DNAH12: variants seen among roughly 807,000 people sequenced by gnomAD.
DNAH12 encodes dynein axonemal heavy chain 12, also known as axonemal beta dynein heavy chain 12.
DNAH12 carries 285 observed loss-of-function variants against 371.5 expected under a neutral mutation model. The ratio of observed to expected loss-of-function variants is 0.77; its 90% CI spans 0.70 to 0.85. The LOEUF (loss-of-function observed/expected upper bound fraction) is 0.85, where lower values mean the gene tolerates loss of function less well. Among genes scored for constraint, DNAH12 ranks in the 40% least tolerant of loss-of-function variants. The pLI is 0.00. For synonymous variants in DNAH12, 1,200 were observed against 1,213.0 expected (o/e 0.99, Z 0.22); for missense variants, 3,611 against 3,689.4 (o/e 0.98, Z 0.55).
rs1575470457 is a variant in DNAH12 at position 57,336,854 on chromosome 3, G to C, written c.9675-1914C>G. ...ACTCACTACCTCCCAACTGGTAAGA[G>C]ACAGATAAATACAGAGAATCCTAAA... On this transcript the variant is annotated intron_variant, in intron 60 of 73. Transcript: ENST00000495027. Among the ~76,000 whole-genome samples, 5 of 152,280 alleles carry C rather than the reference G, an allele frequency of 3.3e-5. No homozygotes were observed. In the South Asian group the frequency reaches 1.0e-3, roughly 32 times the overall value.
At chr3:57,420,939 T>G (rs376136179) in intron 36 of DNAH12, among the ~76,000 whole-genome samples, 43 of 133,004 alleles carry the variant, frequency 3.2e-4, no homozygotes, top group African/African-American at 8.1e-4. Flanking sequence ...AAGAAAGAAA[T>G]AAAGAATATG....
chr3:57,393,077 G>C (rs1043392736), intron 44 of DNAH12, among the ~76,000 whole-genome samples: 2 of 152,152 alleles, frequency 1.3e-5, no homozygotes, highest in Non-Finnish European at 2.9e-5. Context: ...TGAGAGCTGT[G>C]TAAGTGCCTG....
chr3:57,309,950 G>C, intron 67 of DNAH12, 96 bp from the exon 68 acceptor site: 4 of 1,063,228 alleles, frequency 3.8e-6, no homozygotes, highest in Non-Finnish European at 5.1e-6. Flanking sequence ...CTTTGGCATA[G>C]GGGTTATGTG....
intron 35 of DNAH12, among the ~76,000 whole-genome samples, chr3:57,422,576 A>G (rs566668648): frequency 2.0e-3 from 302 of 152,306 alleles, no homozygotes; most frequent in Non-Finnish European, 3.4e-3. Flanking sequence ...GCCAAGGAAG[A>G]AGGATTGCTT....
chr3:57,522,741 C>T (rs1032836258), intron 4 of DNAH12, among the ~76,000 whole-genome samples: 4 of 152,084 alleles, frequency 2.6e-5, no homozygotes, highest in African/African-American at 4.8e-5. Flanking sequence ...CAGTTCCATA[C>T]GTTTCTGTTA....
intron 58 of DNAH12, among the ~76,000 whole-genome samples, chr3:57,360,617 G>C (rs2062904267): frequency 6.6e-6 from 1 of 152,070 alleles, no homozygotes; most frequent in African/African-American, 2.4e-5. Context: ...GAACTCGGAG[G>C]CGAAGGTTGC....
chr3:57,389,820 G>GTGTGTGTGTGTGTGTGTGTGTATATA (rs2063573600), intron 45 of DNAH12, among the ~76,000 whole-genome samples: 1 of 72,718 alleles, frequency 1.4e-5, no homozygotes, highest in East Asian at 6.5e-4. Context: ...GTGTGTGTGT[G>GTGTGTGTGTGTGTGTGTGTGTATATA]TGTATATATA....
intron 2 of DNAH12, among the ~76,000 whole-genome samples, chr3:57,530,073 T>C (rs2068788010): frequency 6.6e-6 from 1 of 152,132 alleles, no homozygotes; most frequent in Non-Finnish European, 1.5e-5. Flanking sequence ...GATTTCTAGT[T>C]TTATTCCATT....
At chr3:57,394,931 T>C (rs2063705484) in intron 43 of DNAH12, among the ~76,000 whole-genome samples, 10 of 152,322 alleles carry the variant, frequency 6.6e-5, no homozygotes. Flanking sequence ...TGAAGCTGAC[T>C]TGTATAGGCT....
chr3:57,500,161 C>CG (rs1553711825), intron 11 of DNAH12, among the ~76,000 whole-genome samples: 1 of 151,420 alleles, frequency 6.6e-6, no homozygotes, highest in Non-Finnish European at 1.5e-5. Context: ...CTCCTCAGCC[C>CG]CCCCTAGTAG....
intron 60 of DNAH12, among the ~76,000 whole-genome samples, chr3:57,345,296 G>A (rs1224666592): frequency 6.6e-6 from 1 of 151,972 alleles, no homozygotes; most frequent in Non-Finnish European, 1.5e-5. Flanking sequence ...TGTCTCTTGG[G>A]AGAACTTCCA....
In DNAH12 at chr3:57,507,683, T is replaced by A. The variant is rs144173391; in HGVS notation, c.857A>T (p.Asp286Val). The A allele has an allele frequency of 1.2e-3, 1,901 of 1,609,780 alleles. 1 individual carries two copies. Among genetic ancestry groups the A allele is most frequent in the Non-Finnish European group, 1.6e-3 (1,843 of 1,179,402 alleles). ...TGTGGAAACACAGCTATAAAATGCA[T>A]CCAATTTTTCAGGTTTAACACCTTC... ...ALEGVKPEKL[D>V]AFYSCVSTLM... Residue 286 changes from aspartate to valine, a missense_variant, in exon 8 of 74, where the codon GAT (aspartate) becomes GTT (valine). This residue lies in a region of DNAH12 where 1,314 missense variants were observed against 1,398.7 expected (regional missense o/e 0.94). Transcript: ENST00000495027.
At chr3:57,407,052 C>G (rs561823765) in intron 40 of DNAH12, among the ~76,000 whole-genome samples, 2 of 152,130 alleles carry the variant, frequency 1.3e-5, no homozygotes, top group South Asian at 2.1e-4. Flanking sequence ...GTGCACACCA[C>G]CACGCCCAGC....
At chr3:57,341,375 T>G (rs2062392949) in intron 60 of DNAH12, among the ~76,000 whole-genome samples, 1 of 152,122 alleles carries the variant, frequency 6.6e-6, no homozygotes, top group South Asian at 2.1e-4. Context: ...CAAAAAACTC[T>G]TAAAACTAAT....
At chr3:57,485,994 T>C (rs1490727646) in intron 12 of DNAH12, among the ~76,000 whole-genome samples, 1 of 151,508 alleles carries the variant, frequency 6.6e-6, no homozygotes, top group East Asian at 2.0e-4. Flanking sequence ...TCCAGGAGGG[T>C]AGATCACTTG....
At chr3:57,463,450 G>A (rs1256794818) in intron 17 of DNAH12, among the ~76,000 whole-genome samples, 1 of 151,820 alleles carries the variant, frequency 6.6e-6, no homozygotes, top group Non-Finnish European at 1.5e-5. Context: ...CGCCTGCCTT[G>A]GCCTCCCAAA....
chr3:57,392,408 A>T (rs1324388287), intron 44 of DNAH12, among the ~76,000 whole-genome samples: 1 of 152,176 alleles, frequency 6.6e-6, no homozygotes, highest in Admixed American at 6.5e-5. Context: ...TATAAATGTA[A>T]AATATCCACA....
In DNAH12 at chr3:57,377,016, T is replaced by C. The variant is rs2153339670; in HGVS notation, c.8430A>G (p.Ser2810=). The C allele has an allele frequency of 6.6e-6, 1 of 152,302 alleles. No homozygotes were observed. The highest frequency in any genetic ancestry group is 1.9e-4 in the East Asian group (1 of 5,188). 9.4% of individuals were successfully genotyped at this position (152,302 alleles called of 1,614,324 possible). A position where few individuals can be genotyped will look rare whatever the true frequency, so the allele number is the denominator to read the frequency against. Residue 2810 remains serine (S), a synonymous_variant, in exon 53 of 74, where the codon TCA becomes TCG. Transcript: ENST00000495027. The part of the protein sequence containing the change: ...ELCAKKLERA[S]QLIGGLGGEK... ...CTCCACCCAGTCCTCCAATTAATTG[T>C]GAGGCTCTTTCAAGCTTCTTAGCAC...
At chr3:57,509,926 C>G (rs1269288815) in intron 5 of DNAH12, among the ~76,000 whole-genome samples, 1 of 106,750 alleles carries the variant, frequency 9.4e-6, no homozygotes, top group East Asian at 3.2e-4. Context: ...TAGTTAGTAA[C>G]AATTTATTGT....
Sources: allele counts gnomAD v4.1 joint callset (sites outside exome capture counted in the v4.1 genomes callset), GRCh38; gene constraint gnomAD v4.1.1; regional missense constraint gnomAD v4.1.1; transcripts MANE v1.5; gene names NCBI Gene and HGNC (gene_info 2026-07-23, HGNC 2026-07-21).